The following EYA2 variants were observed in gnomAD, a reference collection of about 807,000 sequenced individuals.
EYA2 encodes the protein EYA transcriptional coactivator and phosphatase 2.
A neutral mutation model predicts 69.2 loss-of-function variants in EYA2; 31 were observed. The observed-to-expected ratio is 0.45, with a 90% CI of 0.34 to 0.60. EYA2 has a LOEUF of 0.60. Among genes scored for constraint, EYA2 ranks in the 20% least tolerant of loss-of-function variants. EYA2 has a pLI of 0.02. For missense variants in EYA2, 622 were observed against 701.2 expected, an observed-to-expected ratio of 0.89 and a Z score of 1.28; for synonymous variants, 257 against 279.4, an observed-to-expected ratio of 0.92 and a Z score of 0.80.
chr20:46,915,212 T>A (rs987644482), intron 1 of EYA2, among the ~76,000 whole-genome samples: 1 of 152,238 alleles, frequency 6.6e-6, no homozygotes, highest in Non-Finnish European at 1.5e-5. Flanking sequence ...CATTCGGGGC[T>A]GCCACGTTTT....
In EYA2 at chr20:46,932,647, C is replaced by T. The variant is rs546492663; in HGVS notation, c.-11+37660C>T. On this transcript the variant is annotated intron_variant, in intron 1 of 15. Coordinates refer to ENST00000327619, the MANE Select transcript of EYA2 (RefSeq NM_005244.5). ...CCTGTAATCCCGGCACTTTGGGAGGCGGAGGTGGGTGAATCATCTGAGGTC... is the reference window on the plus strand; with the variant it reads ...CCTGTAATCCCGGCACTTTGGGAGGTGGAGGTGGGTGAATCATCTGAGGTC... Among the ~76,000 whole-genome samples, 35 of 152,158 alleles carry T rather than the reference C, an allele frequency of 2.3e-4. No homozygotes were observed. The East Asian group carries it at 3.3e-3, about 14-fold the overall frequency.
intron 5 of EYA2, among the ~76,000 whole-genome samples, chr20:47,032,590 G>A (rs538985838): frequency 2.6e-5 from 4 of 151,966 alleles, no homozygotes; most frequent in South Asian, 2.1e-4. Flanking sequence ...AACATGTCTC[G>A]GAGATCTCTC....
chr20:47,102,613 T>G (rs1216115443), intron 9 of EYA2, among the ~76,000 whole-genome samples: 1 of 152,188 alleles, frequency 6.6e-6, no homozygotes, highest in East Asian at 1.9e-4. Context: ...GGGGAATGAT[T>G]CAAAATAGGT....
intron 1 of EYA2, among the ~76,000 whole-genome samples, chr20:46,926,475 A>C (rs1188186672): frequency 6.6e-6 from 1 of 152,220 alleles, no homozygotes; most frequent in Non-Finnish European, 1.5e-5. Context: ...AAGCAATGAG[A>C]CAGGAAAAGA....
chr20:46,914,478 T>C (rs1377379205), intron 1 of EYA2, among the ~76,000 whole-genome samples: 1 of 152,178 alleles, frequency 6.6e-6, no homozygotes, highest in African/African-American at 2.4e-5. Context: ...GGTCAGCATG[T>C]CTGGGGAGGC....
chr20:46,933,249 C>T (rs1224210902), intron 1 of EYA2, among the ~76,000 whole-genome samples: 3 of 152,124 alleles, frequency 2.0e-5, no homozygotes, highest in Admixed American at 6.5e-5. Flanking sequence ...CTGCTGAGAA[C>T]GTAGTAAGGA....
intron 5 of EYA2, among the ~76,000 whole-genome samples, chr20:47,041,708 A>C (rs570361637): frequency 7.0e-4 from 107 of 152,336 alleles, no homozygotes; most frequent in African/African-American, 2.4e-3. Context: ...GATGCCTGCC[A>C]TGACCACGGG....
Position 47,147,458 on chromosome 20 carries a change from G to C in EYA2, c.978+4310G>C, listed in dbSNP as rs1449351463. 3.3e-5 allele frequency among the ~76,000 whole-genome samples: 5 copies of C among 152,188 alleles called. No homozygotes were observed. In the East Asian group the frequency reaches 9.6e-4, roughly 29 times the overall value. On this transcript the variant is annotated intron_variant, in intron 10 of 15. Transcript: ENST00000327619. Reference sequence around the variant, plus strand: ...ATAGAAGCACTGTGCAAAGGCCAAGGTATGATTAGAGTTGATGGGCTCCAG... The same window carrying C: ...ATAGAAGCACTGTGCAAAGGCCAAGCTATGATTAGAGTTGATGGGCTCCAG...
intron 9 of EYA2, among the ~76,000 whole-genome samples, chr20:47,118,300 G>A (rs1178734319): frequency 6.6e-6 from 1 of 152,216 alleles, no homozygotes; most frequent in Non-Finnish European, 1.5e-5. Flanking sequence ...ATAAAGAAAG[G>A]ATGACTTTGA....
At chr20:46,996,621 CAGG>C (rs1222535995) in intron 2 of EYA2, among the ~76,000 whole-genome samples, 1 of 152,164 alleles carries the variant, frequency 6.6e-6, no homozygotes, top group African/African-American at 2.4e-5. Context: ...ACTCACTAGA[CAGG>C]AGGCTTCGGG....
rs113170653 is a variant in EYA2, at chr20:47,008,752, T to C, written c.298+3668T>C. Among the ~76,000 whole-genome samples the C allele has an allele frequency of 4.5e-3, 682 of 152,310 alleles. 1 individual carries two copies. The highest frequency in any genetic ancestry group is 6.8e-3 in the Middle Eastern group (2 of 292). On this transcript the variant is annotated intron_variant, in intron 4 of 15. Transcript: ENST00000327619. ...CAGATTCACATCCCACCCTTGCCTG[T>C]TGCAGGCTGCAAGACCCTGAGGGAG...
At chr20:47,085,995 G>C (rs1451605678) in intron 7 of EYA2, among the ~76,000 whole-genome samples, 1 of 152,216 alleles carries the variant, frequency 6.6e-6, no homozygotes, top group African/African-American at 2.4e-5. Flanking sequence ...TTGTATGTCA[G>C]TTGTGCCTCA....
At chr20:46,973,373 A>G (rs1980255571) in intron 1 of EYA2, among the ~76,000 whole-genome samples, 1 of 152,244 alleles carries the variant, frequency 6.6e-6, no homozygotes, top group African/African-American at 2.4e-5. Context: ...AATGTAGGCG[A>G]TACAATAAGC....
chr20:47,117,497 C>G, intron 9 of EYA2: 1 of 985,410 alleles, frequency 1.0e-6, no homozygotes, highest in Non-Finnish European at 1.2e-6. Flanking sequence ...CCACAGTCCT[C>G]CCCGATTCCT....
At chr20:46,958,811 G>A (rs550619446) in intron 1 of EYA2, among the ~76,000 whole-genome samples, 3 of 152,266 alleles carry the variant, frequency 2.0e-5, no homozygotes, top group Non-Finnish European at 2.9e-5. Context: ...TTCTGTTCCC[G>A]TGATAGTTTG....
chr20:46,990,352 G>C (rs1009988635), intron 2 of EYA2, among the ~76,000 whole-genome samples: 1 of 152,156 alleles, frequency 6.6e-6, no homozygotes, highest in African/African-American at 2.4e-5. Context: ...TTCCTTTCTT[G>C]GTCTCCAATT....
At chr20:47,019,296 G>T (rs1291715235) in intron 5 of EYA2, among the ~76,000 whole-genome samples, 4 of 152,216 alleles carry the variant, frequency 2.6e-5, no homozygotes, top group African/African-American at 9.6e-5. Flanking sequence ...TGACAGAAGG[G>T]CAGCGGCAGC....
At chr20:47,039,926 C>T (rs908746856) in intron 5 of EYA2, among the ~76,000 whole-genome samples, 10 of 147,318 alleles carry the variant, frequency 6.8e-5, no homozygotes, top group South Asian at 4.3e-4. Context: ...CTGCAACCTC[C>T]GCCTCCCAGG....
At chr20:47,156,412 G>C (rs980455627) in intron 10 of EYA2, among the ~76,000 whole-genome samples, 2 of 151,480 alleles carry the variant, frequency 1.3e-5, no homozygotes, top group African/African-American at 4.8e-5. Context: ...GGTATCCCTA[G>C]CCTGACGCAG....
Sources: allele counts gnomAD v4.1 joint callset (sites outside exome capture counted in the v4.1 genomes callset), GRCh38; gene constraint gnomAD v4.1.1; transcripts MANE v1.5; gene names NCBI Gene and HGNC (gene_info 2026-07-23, HGNC 2026-07-21).